The following ALOX12 variants were observed in gnomAD, a reference collection of about 807,000 sequenced individuals.
ALOX12 encodes the protein arachidonate 12-lipoxygenase, 12S type, also known as polyunsaturated fatty acid lipoxygenase ALOX12.
ALOX12 carries 62 observed loss-of-function variants against 85.5 expected under a neutral mutation model. The ratio of observed to expected loss-of-function variants is 0.73; its 90% confidence interval spans 0.59 to 0.90. The LOEUF is 0.90. Ranked by LOEUF, ALOX12 falls within the 40% of genes least tolerant of loss-of-function variation. The probability of loss-of-function intolerance (pLI) is 0.00; values close to 1 mark genes in which losing one functional copy is unlikely to be tolerated. For missense variants in ALOX12, 751 were observed against 856.5 expected (o/e 0.88, Z 1.54); for synonymous variants, 299 against 332.7 (o/e 0.90, Z 1.10).
chr17:6,999,029 T>A lies in ALOX12; in HGVS notation c.619T>A (p.Phe207Ile). ...CTGCCTAGAAGACTTTGATCAGATCTTCTGGGGCCAGAAGAGTGCCCTGGC... is the reference window on the plus strand; with the variant it reads ...CTGCCTAGAAGACTTTGATCAGATCATCTGGGGCCAGAAGAGTGCCCTGGC... The part of the protein sequence containing the change: ...WNCLEDFDQI[F>I]WGQKSALAEK... The change falls in exon 5 of 14, where the codon TTC becomes ATC. Residue 207 changes from phenylalanine (F) to isoleucine (I), a missense_variant. Coordinates refer to ENST00000251535, the MANE Select transcript of ALOX12 (RefSeq NM_000697.3). 1 of 1,614,012 alleles carries A rather than the reference T, an allele frequency of 6.2e-7. No homozygotes were observed. The highest frequency in any genetic ancestry group is 1.1e-5 in the South Asian group (1 of 91,070).
intron 5 of ALOX12, 91 bp downstream of exon 5, chr17:6,999,147 A>G: frequency 6.7e-7 from 1 of 1,493,722 alleles, no homozygotes; most frequent in South Asian, 1.2e-5. Flanking sequence ...CTTTGCAAGA[A>G]GAGACCTTAT....
intron 11 of ALOX12, 55 bp from the exon 12 acceptor site, chr17:7,009,692 T>G (rs1909285901): frequency 6.8e-7 from 1 of 1,464,292 alleles, no homozygotes; most frequent in Non-Finnish European, 9.5e-7. Context: ...AACAACAGCC[T>G]TTGTTCCTCT....
chr17:7,004,175 T>A (rs1309722154), intron 8 of ALOX12, among the ~76,000 whole-genome samples: 1 of 145,532 alleles, frequency 6.9e-6, no homozygotes, highest in East Asian at 2.0e-4. Flanking sequence ...AAATTTAAAT[T>A]TAATTTTAAA....
intron 2 of ALOX12, among the ~76,000 whole-genome samples, chr17:6,997,469 T>G (rs1439305946): frequency 6.6e-6 from 1 of 151,666 alleles, no homozygotes; most frequent in Non-Finnish European, 1.5e-5. Flanking sequence ...GCTGGTTTGG[T>G]TGGAATAACA....
chr17:7,003,136 C>A (rs1908791026), intron 8 of ALOX12, among the ~76,000 whole-genome samples: 2 of 152,246 alleles, frequency 1.3e-5, no homozygotes, highest in African/African-American at 4.8e-5. Context: ...CCTCTATTCA[C>A]ACTTACAATT....
In ALOX12 at chr17:6,996,975, G is replaced by A. The variant is rs1220868065; in HGVS notation, c.285G>A (p.Pro95=). ...GAGCCTGCGCGGAGGTGGCCTTCCCGTGCTACCGCTGGGTGCAGGGCGAGG... is the reference window on the plus strand; with the variant it reads ...GAGCCTGCGCGGAGGTGGCCTTCCCATGCTACCGCTGGGTGCAGGGCGAGG... ...GPGACAEVAF[P]CYRWVQGEDI... is the part of the protein sequence containing the mutation. Residue 95 remains proline, a synonymous_variant, in exon 2 of 14, where the codon CCG becomes CCA. Transcript: ENST00000251535. 3 of 1,579,300 alleles carry A rather than the reference G, an allele frequency of 1.9e-6. No individual in the cohort carries two copies. The highest frequency in any genetic ancestry group is 1.3e-5 in the African/African-American group (1 of 74,210).
rs770875010 is a variant in ALOX12, at chr17:7,005,275, C to T, written c.1180C>T (p.Arg394Cys). The T allele has an allele frequency of 1.5e-5, 25 of 1,613,520 alleles. No homozygotes were observed. The highest frequency in any genetic ancestry group is 8.0e-5 in the African/African-American group (6 of 74,866). Residue 394 changes from arginine to cysteine, a missense_variant, in exon 9 of 14, where the codon CGC (arginine) becomes TGC (cysteine). Coordinates refer to ENST00000251535, the MANE Select transcript of ALOX12 (RefSeq NM_000697.3). ...TCTCCAGTTCCTGATCCCCCATATC[C>T]GCTACACCATGGAAATCAACACCCG... Reference protein sequence around the residue: ...PIFKFLIPHIRYTMEINTRAR... With the variant: ...PIFKFLIPHICYTMEINTRAR...
chr17:7,004,504 T>A (rs980426005), intron 8 of ALOX12, among the ~76,000 whole-genome samples: 1 of 147,694 alleles, frequency 6.8e-6, no homozygotes. Flanking sequence ...TAATATTAAA[T>A]TAATTTAAAT....
Position 6,996,255 on chromosome 17 carries a change from C to A in ALOX12, c.135+3C>A, listed in dbSNP as rs1163455567. The A allele has an allele frequency of 1.6e-6, 2 of 1,237,022 alleles. No individual in the cohort carries two copies. Among genetic ancestry groups the A allele is most frequent in the East Asian group, 6.4e-5 (2 of 31,416 alleles). The allele number at this position is 1,237,022 out of a possible 1,614,324, so 76.6% of individuals were successfully genotyped here. A position where few individuals can be genotyped will look rare whatever the true frequency, so the allele number is the denominator to read the frequency against. ...AGCTGCGGCCCGCGCGGGGCGAGGT[C>A]AGCGCGGGGAGCGAGGGGAGCTAGG... On this transcript the variant is annotated splice_donor_region_variant and intron_variant, in intron 1 of 13. Transcript: ENST00000251535.
rs1210210012 is a variant in ALOX12 at position 7,000,708 on chromosome 17, C to T, written c.951+229C>T. Among the ~76,000 whole-genome samples, 1 of 152,190 alleles carries T rather than the reference C, an allele frequency of 6.6e-6. No individual in the cohort carries two copies. The highest frequency in any genetic ancestry group is 1.9e-4 in the East Asian group (1 of 5,194). On this transcript the variant is annotated intron_variant, in intron 7 of 13. Transcript: ENST00000251535. This position sits in a 1 kb window ranked among gnomAD's most constrained non-coding sequence, Gnocchi z 4.6. ...AGTTCTCATCCTGTATCCAATGGTC[C>T]TCACACTTCAGTGTGCATCAGAATC...
At chr17:6,999,564 C>A (rs1037971190) in intron 6 of ALOX12, 98 bp downstream of exon 6, 2 of 1,333,372 alleles carry the variant, frequency 1.5e-6, no homozygotes, top group African/African-American at 1.5e-5. Flanking sequence ...GGCTGCAGTA[C>A]TGCATTGCCC....
chr17:7,010,334 G>A lies in ALOX12; in HGVS notation c.1903G>A (p.Glu635Lys), dbSNP rs751639912. Residue 635 changes from glutamate (E) to lysine (K), a missense_variant, in exon 14 of 14, where the codon GAA (glutamate) becomes AAA (lysine). Transcript: ENST00000251535. ...ATTCCGAACAGATTTGGAAAAGCTGGAAAAGGAGATTACAGCCCGGAATGA... is the reference window on the plus strand; with the variant it reads ...ATTCCGAACAGATTTGGAAAAGCTGAAAAAGGAGATTACAGCCCGGAATGA... ...NQFRTDLEKL[E>K]KEITARNEQL... is the part of the protein sequence containing the mutation. 1.2e-6 allele frequency: 2 copies of A among 1,614,196 alleles called. No individual in the cohort carries two copies. The highest frequency in any genetic ancestry group is 1.7e-6 in the Non-Finnish European group (2 of 1,180,048).
At chr17:7,001,338 A>G in intron 7 of ALOX12, 1 of 510,412 alleles carries the variant, frequency 2.0e-6, no homozygotes, top group Non-Finnish European at 3.5e-6. Flanking sequence ...CCACCATCTG[A>G]GCGCCGACCC....
intron 8 of ALOX12, among the ~76,000 whole-genome samples, chr17:7,005,018 A>G (rs983946943): frequency 1.3e-5 from 2 of 150,288 alleles, no homozygotes; most frequent in African/African-American, 4.9e-5. Flanking sequence ...AAAGGTTATT[A>G]ACTTGGCCAA....
rs948600395 is a variant in ALOX12, at chr17:7,010,171, A to C, written c.1812+45A>C. ...AGAGGGAAATGACAGTTGGAAAGGAAACATCAGAGTGAGGGGCTGGGCTCT... is the reference window on the plus strand; with the variant it reads ...AGAGGGAAATGACAGTTGGAAAGGACACATCAGAGTGAGGGGCTGGGCTCT... On this transcript the variant is annotated intron_variant, in intron 13 of 13. Transcript: ENST00000251535. 15 of 1,599,048 alleles carry C rather than the reference A, an allele frequency of 9.4e-6. No individual in the cohort carries two copies. In the South Asian group the frequency reaches 1.7e-4, roughly 18 times the overall value.
chr17:7,004,351 ATTT>A (rs1208399939), intron 8 of ALOX12, among the ~76,000 whole-genome samples: 45 of 108,294 alleles, frequency 4.2e-4, no homozygotes, highest in Admixed American at 3.1e-3. Context: ...AAATTTTAAT[ATTT>A]TTAATTTTAA....
intron 8 of ALOX12, chr17:7,002,628 AAAAG>A (rs1156827284): frequency 1.5e-4 from 60 of 394,026 alleles, no homozygotes; most frequent in Admixed American, 1.8e-4. Context: ...TCTCTAAATA[AAAAG>A]AAAGAAAGAA....
At chr17:7,008,227 A>G (rs919583593) in intron 11 of ALOX12, among the ~76,000 whole-genome samples, 3 of 152,188 alleles carry the variant, frequency 2.0e-5, no homozygotes, top group Non-Finnish European at 2.9e-5. Flanking sequence ...GACACATGTT[A>G]ACTTTAACCT....
intron 9 of ALOX12, 132 bp downstream of exon 9, chr17:7,005,475 T>C: frequency 2.5e-5 from 1 of 39,500 alleles, no homozygotes; most frequent in Non-Finnish European, 4.1e-5. Flanking sequence ...TACCCATGTC[T>C]TTTTTTTTTT....
Sources: allele counts gnomAD v4.1 joint callset (sites outside exome capture counted in the v4.1 genomes callset), GRCh38; gene constraint gnomAD v4.1.1; non-coding constraint Gnocchi (gnomAD v3.1); transcripts MANE v1.5; gene names NCBI Gene and HGNC (gene_info 2026-07-23, HGNC 2026-07-21).